The following HGS variants were observed in gnomAD, a reference collection of about 807,000 sequenced individuals.
HGS encodes the protein human growth factor-regulated tyrosine kinase substrate.
Under a neutral mutation model 109.7 loss-of-function variants are expected in HGS, and 63 were observed. The observed-to-expected ratio is 0.57, with a 90% CI of 0.47 to 0.71. The LOEUF is 0.71. HGS is among the 30% of genes least tolerant of loss of function. HGS has a pLI of 0.00. For synonymous variants in HGS, 546 were observed against 437.3 expected, an observed-to-expected ratio of 1.25 and a Z score of -3.10; for missense variants, 995 against 1,068.3, an observed-to-expected ratio of 0.93 and a Z score of 0.96.
At chr17:81,698,673 G>A (rs1227639629) in intron 18 of HGS, among the ~76,000 whole-genome samples, 2 of 152,192 alleles carry the variant, frequency 1.3e-5, no homozygotes, top group Admixed American at 6.5e-5. Flanking sequence ...ACAGCTCTAG[G>A]TTGTTAGCAG....
At position 81,696,302 on chromosome 17, in the gene HGS, G is replaced by A. The variant is rs1162886171; in HGVS notation, c.1394-55G>A. On this transcript the variant is annotated intron_variant, in intron 15 of 21. Coordinates refer to ENST00000329138, the MANE Select transcript of HGS (RefSeq NM_004712.5). Reference sequence around the variant, plus strand: ...CCATCTGCGTGTCCGTTCCACCCAGGAGCTTCTCGGCACTGTGCCGGAGTG... The same window carrying A: ...CCATCTGCGTGTCCGTTCCACCCAGAAGCTTCTCGGCACTGTGCCGGAGTG... 6.1e-6 allele frequency: 9 copies of A among 1,473,398 alleles called. No individual in the cohort carries two copies. In the East Asian group the frequency reaches 1.9e-4, roughly 31 times the overall value. The allele number at this position is 1,473,398 out of a possible 1,614,324, so 91.3% of individuals were successfully genotyped here. A position where few individuals can be genotyped will look rare whatever the true frequency, so the allele number is the denominator to read the frequency against.
chr17:81,690,199 T>C lies in HGS; in HGVS notation c.433T>C (p.Phe145Leu). 6.2e-7 allele frequency: 1 copy of C among 1,613,812 alleles called. No individual in the cohort carries two copies. The highest frequency in any genetic ancestry group is 2.2e-5 in the East Asian group (1 of 44,860). The change falls in exon 6 of 22, where the codon TTC becomes CTC. Residue 145 changes from phenylalanine to leucine, a missense_variant. By Grantham distance (22) the Phe-to-Leu change is conservative. Coordinates refer to ENST00000329138, the MANE Select transcript of HGS (RefSeq NM_004712.5). The stretch of plus-strand genomic sequence containing the variant: ...CTCTCCAGGGCACGTCTTTCCAGAA[T>C]TCAAAGAGAGCGATGCCATGTTTGC... ...MKVEGHVFPE[F>L]KESDAMFAAE...
At chr17:81,696,176 C>T (rs1598749018) in intron 15 of HGS, 177 bp downstream of exon 15, 2 of 863,882 alleles carry the variant, frequency 2.3e-6, no homozygotes, top group Non-Finnish European at 3.5e-6. Context: ...CCCTGCCCTG[C>T]CCTGCCCTGC....
chr17:81,696,500 A>G lies in HGS; in HGVS notation c.1537A>G (p.Lys513Glu). 1 of 1,528,000 alleles carries G rather than the reference A, an allele frequency of 6.5e-7. No individual in the cohort carries two copies. Among genetic ancestry groups the G allele is most frequent in the Non-Finnish European group, 8.8e-7 (1 of 1,135,960 alleles). The allele number at this position is 1,528,000 out of a possible 1,614,324, so 94.7% of individuals were successfully genotyped here. A position where few individuals can be genotyped will look rare whatever the true frequency, so the allele number is the denominator to read the frequency against. Residue 513 changes from lysine to glutamate, a missense_variant, in exon 16 of 22, where the codon AAG (lysine) becomes GAG (glutamate). By Grantham distance (56) the Lys-to-Glu change is moderately conservative. Coordinates refer to ENST00000329138, the MANE Select transcript of HGS (RefSeq NM_004712.5). Reference protein sequence around the residue: ...ERQRQIQLAQKLEIMRQKKQE... With the variant: ...ERQRQIQLAQELEIMRQKKQE... ...CCAGCGCCAGATCCAGCTGGCCCAG[A>G]AGCTGGAGATAATGCGGCAGAAGAA...
At chr17:81,689,655 C>T (rs1005557125) in intron 5 of HGS, among the ~76,000 whole-genome samples, 2 of 152,114 alleles carry the variant, frequency 1.3e-5, no homozygotes, top group Admixed American at 1.3e-4. Context: ...GGACGCTTGC[C>T]CTGTGGCTGC....
At position 81,691,582 on chromosome 17, in the gene HGS, G is replaced by A. The variant is rs568287605; in HGVS notation, c.662+11G>A. ...CGAGCAGCTGAACAGGTGAGTCCCC[G>A]CCCCCCATTTGGGCTGCAGGTGGGG... On this transcript the variant is annotated intron_variant, in intron 8 of 21. Coordinates refer to ENST00000329138, the MANE Select transcript of HGS (RefSeq NM_004712.5). This position sits in a 1 kb window ranked among gnomAD's most constrained non-coding sequence, Gnocchi z 5.3. 100 of 1,613,686 alleles carry A rather than the reference G, an allele frequency of 6.2e-5. No individual in the cohort carries two copies. Among genetic ancestry groups the A allele is most frequent in the Non-Finnish European group, 7.6e-5 (90 of 1,179,800 alleles).
intron 18 of HGS, among the ~76,000 whole-genome samples, chr17:81,699,369 A>G (rs2037199118): frequency 6.6e-6 from 1 of 152,200 alleles, no homozygotes. Context: ...TTTCAAATAC[A>G]GTTTGGTTCA....
Position 81,693,972 on chromosome 17 carries a change from G to T in HGS, c.936+7G>T, listed in dbSNP as rs376016252. 2 of 1,601,000 alleles carry T rather than the reference G, an allele frequency of 1.2e-6. No individual in the cohort carries two copies. Among genetic ancestry groups the T allele is most frequent in the Non-Finnish European group, 1.7e-6 (2 of 1,175,608 alleles). ...CCTGTACTCTTCACCTGTGGTGAGC[G>T]GCCCTTGGGCTGGAGCTCCCTCTCC... On this transcript the variant is annotated splice_region_variant and intron_variant, in intron 11 of 21. Transcript: ENST00000329138.
At position 81,686,945 on chromosome 17, in the gene HGS, G is replaced by A. The variant is rs2036988677; in HGVS notation, c.199-58G>A. On this transcript the variant is annotated intron_variant, in intron 3 of 21. Coordinates refer to ENST00000329138, the MANE Select transcript of HGS (RefSeq NM_004712.5). ...CACAGGGAGGTGGGTCTGTCCGGGA[G>A]GAGGAGGGGCCCTGCCCTGACCACT... 52 of 1,422,058 alleles carry A rather than the reference G, an allele frequency of 3.7e-5. No homozygotes were observed. The South Asian group carries it at 5.5e-4, about 15-fold the overall frequency. The allele number at this position is 1,422,058 out of a possible 1,614,324, so 88.1% of individuals were successfully genotyped here.
intron 4 of HGS, among the ~76,000 whole-genome samples, chr17:81,688,284 G>C (rs542879668): frequency 2.0e-5 from 3 of 152,170 alleles, no homozygotes; most frequent in East Asian, 3.9e-4. Context: ...GCTGCCCCCC[G>C]CGTCTCCCCG....
chr17:81,688,166 G>A (rs773385932), intron 4 of HGS, among the ~76,000 whole-genome samples: 4 of 152,306 alleles, frequency 2.6e-5, no homozygotes, highest in Non-Finnish European at 4.4e-5. Flanking sequence ...CCGGGACGGC[G>A]TCCCCGAGAG....
chr17:81,688,677 C>T (rs781354351), intron 4 of HGS, 27 bp from the exon 5 acceptor site: 11 of 1,612,286 alleles, frequency 6.8e-6, no homozygotes, highest in South Asian at 6.6e-5. Context: ...TGTCCTGCGA[C>T]CCTCACCCCC....
intron 1 of HGS, among the ~76,000 whole-genome samples, chr17:81,684,733 G>A (rs747023943): frequency 4.6e-5 from 7 of 152,214 alleles, no homozygotes; most frequent in Admixed American, 2.6e-4. Flanking sequence ...CCAGCAGCAC[G>A]TGGAAAATGC....
In HGS at chr17:81,686,360, C is replaced by T. The variant is rs200879398; in HGVS notation, c.171C>T (p.Asn57=). The change falls in exon 3 of 22, where the codon AAC becomes AAT. Residue 57 remains asparagine, a synonymous_variant. Coordinates refer to ENST00000329138, the MANE Select transcript of HGS (RefSeq NM_004712.5). The part of the protein sequence containing the change: ...NSIKKKVNDK[N]PHVALYALEV... The stretch of plus-strand genomic sequence containing the variant: ...TCAAGAAGAAAGTCAACGACAAGAA[C>T]CCACACGTCGCCTTGTATGCCCTGG... 1.9e-5 allele frequency: 30 copies of T among 1,613,648 alleles called. No individual in the cohort carries two copies. The East Asian group carries it at 5.3e-4, about 29-fold the overall frequency.
chr17:81,693,422 C>T (rs554750460), intron 8 of HGS, 81 bp from the exon 9 acceptor site: 295 of 1,043,828 alleles, frequency 2.8e-4, no homozygotes, highest in Non-Finnish European at 3.8e-4. Context: ...TAGAGGAGCC[C>T]GCAGAGGTGT....
At chr17:81,690,538 G>A (rs2144491002) in intron 6 of HGS, 136 bp from the exon 7 acceptor site, 1 of 827,028 alleles carries the variant, frequency 1.2e-6, no homozygotes, top group East Asian at 2.7e-5. Flanking sequence ...CGCTGGGAAG[G>A]GCCGCCCGGG....
chr17:81,695,289 A>C, intron 14 of HGS, 66 bp downstream of exon 14: 3 of 1,509,978 alleles, frequency 2.0e-6, no homozygotes, highest in Non-Finnish European at 2.8e-6. Flanking sequence ...CGCCAGGCAC[A>C]TGGCACAGGT....
chr17:81,685,010 G>T, intron 1 of HGS: 1 of 985,376 alleles, frequency 1.0e-6, no homozygotes, highest in East Asian at 1.1e-4. Flanking sequence ...GGGCAGAGCT[G>T]GAGCTGCCCC....
rs1297772102 is a variant in HGS at position 81,687,025 on chromosome 17, A to C, written c.221A>C (p.Asn74Thr). 1 of 1,613,204 alleles carries C rather than the reference A, an allele frequency of 6.2e-7. No homozygotes were observed. The highest frequency in any genetic ancestry group is 1.7e-5 in the Admixed American group (1 of 59,962). ...ALEVMESVVK[N>T]CGQTVHDEVA... ...CAGGTCATGGAATCTGTGGTAAAGA[A>C]CTGTGGCCAGACAGTTCATGATGAG... is the stretch of plus-strand genomic sequence containing the variant. Residue 74 changes from asparagine to threonine, a missense_variant, in exon 4 of 22, where the codon AAC (asparagine) becomes ACC (threonine). Coordinates refer to ENST00000329138, the MANE Select transcript of HGS (RefSeq NM_004712.5).
Sources: gnomAD v4.1 joint callset for allele counts (sites outside exome capture counted in the v4.1 genomes callset) on GRCh38, gnomAD v4.1.1 for gene constraint, Gnocchi (gnomAD v3.1) non-coding constraint, MANE v1.5 for transcripts, NCBI Gene and HGNC (gene_info 2026-07-23, HGNC 2026-07-21) for gene names.